The following ITGB8 variants were observed in gnomAD, a reference collection of about 807,000 sequenced individuals.
The protein encoded by ITGB8 is integrin subunit beta 8.
ITGB8 carries 30 observed loss-of-function variants against 89.5 expected under a neutral mutation model. The observed-to-expected ratio is 0.34, with a 90% CI of 0.25 to 0.45. The LOEUF (loss-of-function observed/expected upper bound fraction) is 0.45. ITGB8 is among the 20% of genes least tolerant of loss of function. ITGB8 has a pLI of 1.00. For missense variants in ITGB8, 836 were observed against 933.3 expected (o/e 0.90, Z 1.36); for synonymous variants, 335 against 320.4 (o/e 1.05, Z -0.49).
chr7:20,338,441 A>T (rs1784645789), intron 1 of ITGB8, among the ~76,000 whole-genome samples: 1 of 151,848 alleles, frequency 6.6e-6, no homozygotes, highest in East Asian at 1.9e-4. Flanking sequence ...AGCCTGGCCA[A>T]CATGGAGTAA....
Position 20,414,100 on chromosome 7 carries a change from C to T in ITGB8, c.*4103C>T, listed in dbSNP as rs1787856168. ...TTGTGACATTTCTTGCAACTGTTGG[C>T]ACTTCAGATGCAGTGTTTAAAATTA... On this transcript the variant is annotated 3_prime_UTR_variant, in exon 14 of 14. Transcript: ENST00000222573. The T allele has an allele frequency of 6.6e-6, 1 of 152,104 alleles. No homozygotes were observed. The highest frequency in any genetic ancestry group is 6.6e-5 in the Admixed American group (1 of 15,264). 9.4% of individuals were successfully genotyped at this position (152,104 alleles called of 1,614,324 possible). A position where few individuals can be genotyped will look rare whatever the true frequency, so the allele number is the denominator to read the frequency against.
chr7:20,356,130 C>T (rs186977185), intron 1 of ITGB8, among the ~76,000 whole-genome samples: 12 of 152,242 alleles, frequency 7.9e-5, no homozygotes, highest in Admixed American at 3.3e-4. Context: ...CTTAATCCCT[C>T]GTAACATTTA....
intron 1 of ITGB8, 115 bp from the exon 2 acceptor site, chr7:20,363,522 C>CCT: frequency 2.0e-6 from 1 of 493,918 alleles, no homozygotes; most frequent in Non-Finnish European, 3.4e-6. Flanking sequence ...AATAAAAGGT[C>CCT]CTCTTGTTTC....
intron 1 of ITGB8, among the ~76,000 whole-genome samples, chr7:20,336,397 A>G (rs1444985202): frequency 3.9e-5 from 6 of 152,126 alleles, no homozygotes; most frequent in Non-Finnish European, 8.8e-5. Flanking sequence ...AATTGTGTAA[A>G]CCATGTCTCC....
chr7:20,406,869 T>G (rs1286833027), intron 12 of ITGB8, among the ~76,000 whole-genome samples: 4 of 152,258 alleles, frequency 2.6e-5, no homozygotes, highest in African/African-American at 9.6e-5. Context: ...TTATAATCAT[T>G]CATCCTTAAG....
chr7:20,403,979 C>G (rs192261989), intron 10 of ITGB8, among the ~76,000 whole-genome samples: 1 of 152,120 alleles, frequency 6.6e-6, no homozygotes, highest in African/African-American at 2.4e-5. Flanking sequence ...CATAATGTTC[C>G]CCCACCACAC....
rs764454930 is a variant in ITGB8 at position 20,406,178 on chromosome 7, C to G, written c.2023+7C>G. 3.3e-6 allele frequency: 5 copies of G among 1,508,350 alleles called. No individual in the cohort carries two copies. Among genetic ancestry groups the G allele is most frequent in the Admixed American group, 1.7e-5 (1 of 59,854 alleles). The allele number at this position is 1,508,350 out of a possible 1,614,324, so 93.4% of individuals were successfully genotyped here. A position where few individuals can be genotyped will look rare whatever the true frequency, so the allele number is the denominator to read the frequency against. ...TATGTCGACCAAACTTCAGGTAGGC[C>G]AAAGCTTAATAATCAAAGCACAGAA... On this transcript the variant is annotated splice_region_variant and intron_variant, in intron 12 of 13. Transcript: ENST00000222573.
At chr7:20,332,317 G>C (rs206200) in intron 1 of ITGB8, among the ~76,000 whole-genome samples, 134,596 of 152,224 alleles carry the variant, frequency 0.88, 59,660 homozygotes, top group East Asian at 0.99. Flanking sequence ...GGTCCACTAA[G>C]GACTAACTTG....
At chr7:20,350,323 T>G (rs192654166) in intron 1 of ITGB8, among the ~76,000 whole-genome samples, 11 of 152,324 alleles carry the variant, frequency 7.2e-5, no homozygotes, top group African/African-American at 2.6e-4. Flanking sequence ...AATTTTTGTA[T>G]TTTTAGTAGA....
chr7:20,330,683 C>G (rs1022776715), upstream of ITGB8: 12 of 152,394 alleles, frequency 7.9e-5, no homozygotes, highest in African/African-American at 2.9e-4. Flanking sequence ...CACGCTGCTC[C>G]GAGCTGTTAC....
intron 1 of ITGB8, among the ~76,000 whole-genome samples, chr7:20,339,955 G>C (rs112512346): frequency 2.1e-3 from 322 of 152,328 alleles, no homozygotes; most frequent in Middle Eastern, 0.01. Context: ...CTGAACCCGG[G>C]AGGCGGAGGT....
chr7:20,340,577 G>A (rs932220862), intron 1 of ITGB8, among the ~76,000 whole-genome samples: 8 of 152,180 alleles, frequency 5.3e-5, no homozygotes, highest in African/African-American at 1.7e-4. Flanking sequence ...AAGATCTGCC[G>A]ATAGTAAATG....
rs1784367910 is a variant in ITGB8, at chr7:20,331,061, G to C, written c.-746G>C. 6.6e-6 allele frequency: 1 copy of C among 152,542 alleles called. No individual in the cohort carries two copies. Among genetic ancestry groups the C allele is most frequent in the African/African-American group, 2.4e-5 (1 of 41,492 alleles). 9.4% of individuals were successfully genotyped at this position (152,542 alleles called of 1,614,324 possible). ...CAGCCGCAGGCCCCACTCCCCGCCAGGGAGGGAGCGGCGATGCCTCGCTCT... is the reference window on the plus strand; with the variant it reads ...CAGCCGCAGGCCCCACTCCCCGCCACGGAGGGAGCGGCGATGCCTCGCTCT... On this transcript the variant is annotated 5_prime_UTR_variant, in exon 1 of 14. Transcript: ENST00000222573.
intron 1 of ITGB8, among the ~76,000 whole-genome samples, chr7:20,344,988 A>C (rs1428173862): frequency 6.6e-6 from 1 of 152,210 alleles, no homozygotes; most frequent in African/African-American, 2.4e-5. Flanking sequence ...AATTAAAGAA[A>C]CAGAATGTAT....
At chr7:20,392,240 TC>T (rs1786891176) in intron 7 of ITGB8, among the ~76,000 whole-genome samples, 1 of 152,200 alleles carries the variant, frequency 6.6e-6, no homozygotes, top group Non-Finnish European at 1.5e-5. Flanking sequence ...TCATTGTGCA[TC>T]TCTGTTTACT....
intron 5 of ITGB8, chr7:20,381,049 AAAG>A: frequency 2.1e-6 from 1 of 465,474 alleles, no homozygotes; most frequent in Non-Finnish European, 3.8e-6. Context: ...GACAAAAGGG[AAAG>A]AATAGGTTAT....
intron 11 of ITGB8, among the ~76,000 whole-genome samples, chr7:20,405,153 T>C (rs1787483121): frequency 6.6e-6 from 1 of 151,302 alleles, no homozygotes; most frequent in Non-Finnish European, 1.5e-5. Context: ...GTTATAATTT[T>C]CTGTGCCTCA....
intron 2 of ITGB8, chr7:20,365,353 T>G (rs1785652956): frequency 6.6e-6 from 1 of 152,208 alleles, no homozygotes; most frequent in African/African-American, 2.4e-5. Flanking sequence ...TATAGCGCAG[T>G]GCAGCCTAGT....
chr7:20,399,667 G>A (rs1416685976), intron 9 of ITGB8, among the ~76,000 whole-genome samples: 4 of 152,054 alleles, frequency 2.6e-5, no homozygotes, highest in Non-Finnish European at 5.9e-5. Context: ...TTGGCACAAC[G>A]GAGAGAGTAA....
Sources: allele counts gnomAD v4.1 joint callset (sites outside exome capture counted in the v4.1 genomes callset), GRCh38; gene constraint gnomAD v4.1.1; transcripts MANE v1.5; gene names NCBI Gene and HGNC (gene_info 2026-07-23, HGNC 2026-07-21).